The following PKHD1 variants were observed in gnomAD, a reference collection of about 807,000 sequenced individuals.
PKHD1 encodes PKHD1 ciliary IPT domain containing fibrocystin/polyductin, also known as fibrocystin.
Under a neutral mutation model 412.0 loss-of-function variants are expected in PKHD1, and 291 were observed. The ratio of observed to expected loss-of-function variants is 0.71; its 90% CI spans 0.64 to 0.78. The LOEUF is 0.78. Among genes scored for constraint, PKHD1 ranks in the 30% least tolerant of loss-of-function variants. The pLI is 0.00. For synonymous variants in PKHD1, 1,777 were observed against 1,821.5 expected (o/e 0.98, Z 0.62); for missense variants, 4,825 against 4,950.7 (o/e 0.97, Z 0.76).
At chr6:51,621,554 C>T (rs547583626) in intron 66 of PKHD1, among the ~76,000 whole-genome samples, 10 of 152,166 alleles carry the variant, frequency 6.6e-5, no homozygotes, top group African/African-American at 2.2e-4. Context: ...TCTTTAAGTC[C>T]GCATCTATTC....
intron 52 of PKHD1, among the ~76,000 whole-genome samples, chr6:51,807,485 A>ATATGTGTGTGTGTG (rs765667001): frequency 7.2e-5 from 8 of 111,768 alleles, no homozygotes; most frequent in Middle Eastern, 5.1e-3. Flanking sequence ...ATATATGTAT[A>ATATGTGTGTGTGTG]TGTGTGTGTG....
intron 52 of PKHD1, among the ~76,000 whole-genome samples, chr6:51,794,963 G>A (rs2151286892): frequency 6.6e-6 from 1 of 152,260 alleles, no homozygotes; most frequent in Admixed American, 6.5e-5. Flanking sequence ...GTCACATGAT[G>A]CCTCTAGCTT....
intron 35 of PKHD1, among the ~76,000 whole-genome samples, chr6:51,994,051 A>G (rs1393181445): frequency 6.6e-6 from 1 of 152,132 alleles, no homozygotes; most frequent in African/African-American, 2.4e-5. Context: ...AGGACTCTCC[A>G]AGCTTTTAAT....
chr6:52,014,880 A>G (rs1800330132), intron 34 of PKHD1, among the ~76,000 whole-genome samples: 1 of 152,172 alleles, frequency 6.6e-6, no homozygotes, highest in East Asian at 1.9e-4. Flanking sequence ...TCCCTTTGCC[A>G]AATGACATCA....
intron 60 of PKHD1, among the ~76,000 whole-genome samples, chr6:51,683,951 G>A (rs1274302500): frequency 2.0e-5 from 3 of 152,002 alleles, no homozygotes; most frequent in African/African-American, 7.2e-5. Context: ...AGCAACTTGA[G>A]TACAGATATC....
Position 51,912,551 on chromosome 6 carries a change from G to C in PKHD1, c.6147C>G (p.Thr2049=). The change falls in exon 38 of 67, where the codon ACC becomes ACG. Residue 2049 remains threonine, a synonymous_variant. Transcript: ENST00000371117. ...GGGCATGGGCAGTTGCTCTAAGACAGGTGACAATTACTTCTGGTAGTGAAC... is the reference window on the plus strand; with the variant it reads ...GGGCATGGGCAGTTGCTCTAAGACACGTGACAATTACTTCTGGTAGTGAAC... ...LHGSLPEVIV[T]CLRATAHALD... 1 of 1,612,748 alleles carries C rather than the reference G, an allele frequency of 6.2e-7. No individual in the cohort carries two copies. The highest frequency in any genetic ancestry group is 1.1e-5 in the South Asian group (1 of 91,054).
chr6:51,697,574 C>T (rs936066581), intron 60 of PKHD1, among the ~76,000 whole-genome samples: 2 of 152,212 alleles, frequency 1.3e-5, no homozygotes, highest in Admixed American at 6.5e-5. Context: ...ATCCACTAAA[C>T]GCCCATAAGT....
At chr6:51,860,107 A>T (rs1336881528) in intron 48 of PKHD1, among the ~76,000 whole-genome samples, 3 of 152,242 alleles carry the variant, frequency 2.0e-5, no homozygotes, top group Non-Finnish European at 1.5e-5. Context: ...GTGCAGCACC[A>T]GCTTTCTGTA....
At chr6:51,920,748 G>T (rs1028638857) in intron 37 of PKHD1, among the ~76,000 whole-genome samples, 1 of 152,150 alleles carries the variant, frequency 6.6e-6, no homozygotes, top group Non-Finnish European at 1.5e-5. Context: ...AATCCGTCTG[G>T]TCCTGGACTT....
intron 55 of PKHD1, among the ~76,000 whole-genome samples, chr6:51,765,496 C>T (rs545469302): frequency 6.6e-6 from 1 of 152,216 alleles, no homozygotes; most frequent in South Asian, 2.1e-4. Flanking sequence ...TGACCTTCTT[C>T]CTGTTTCCCC....
At position 52,025,202 on chromosome 6, in the gene PKHD1, A is replaced by G. The variant is rs1173960054; in HGVS notation, c.4608T>C (p.Val1536=). 2 of 1,614,080 alleles carry G rather than the reference A, an allele frequency of 1.2e-6. No individual in the cohort carries two copies. Among genetic ancestry groups the G allele is most frequent in the Non-Finnish European group, 1.7e-6 (2 of 1,180,038 alleles). The change falls in exon 32 of 67, where the codon GTT becomes GTC. Residue 1536 remains valine, a synonymous_variant. Transcript: ENST00000371117. ...CNVTFFNASH[V]VCQTRDLAPG... is the part of the protein sequence containing the mutation. The stretch of plus-strand genomic sequence containing the variant: ...GGGCCAAGTCTCTTGTCTGGCACAC[A>G]ACGTGGCTTGCATTAAAAAAAGTTA...
chr6:51,713,869 T>A (rs1780932475), intron 60 of PKHD1, among the ~76,000 whole-genome samples: 1 of 152,094 alleles, frequency 6.6e-6, no homozygotes, highest in African/African-American at 2.4e-5. Flanking sequence ...GTATCTTTGC[T>A]CAGAAAGCTG....
intron 52 of PKHD1, among the ~76,000 whole-genome samples, chr6:51,829,062 CTG>C (rs1767808200): frequency 6.6e-6 from 1 of 152,120 alleles, no homozygotes; most frequent in African/African-American, 2.4e-5. Context: ...TGAAAAATAA[CTG>C]TGTATGTTTT....
chr6:51,868,971 C>T (rs1207226470), intron 47 of PKHD1, among the ~76,000 whole-genome samples: 1 of 151,802 alleles, frequency 6.6e-6, no homozygotes, highest in Non-Finnish European at 1.5e-5. Flanking sequence ...TCCCAGTACA[C>T]ATACTACCAT....
chr6:51,975,841 C>A (rs955857524), intron 35 of PKHD1: 2 of 151,392 alleles, frequency 1.3e-5, no homozygotes, highest in African/African-American at 4.9e-5. Context: ...AGGGATGAAT[C>A]GACCCAGGTT....
chr6:51,956,030 A>G (rs1791075331), intron 36 of PKHD1, among the ~76,000 whole-genome samples: 1 of 152,034 alleles, frequency 6.6e-6, no homozygotes, highest in East Asian at 1.9e-4. Context: ...TCTTTCAAGT[A>G]CTTTCACACA....
At chr6:51,680,284 T>C (rs1299084163) in intron 60 of PKHD1, among the ~76,000 whole-genome samples, 2 of 152,014 alleles carry the variant, frequency 1.3e-5, no homozygotes, top group African/African-American at 2.4e-5. Flanking sequence ...GAGCTTCATG[T>C]AAACCATTAC....
chr6:51,897,360 A>C (rs758573161), intron 43 of PKHD1, among the ~76,000 whole-genome samples: 1 of 152,204 alleles, frequency 6.6e-6, no homozygotes, highest in Non-Finnish European at 1.5e-5. Flanking sequence ...GCCAATATTC[A>C]ACATTCTTAA....
At chr6:51,829,616 G>A (rs999817946) in intron 52 of PKHD1, among the ~76,000 whole-genome samples, 3 of 152,102 alleles carry the variant, frequency 2.0e-5, no homozygotes, top group Non-Finnish European at 4.4e-5. Flanking sequence ...GAAGTGGGAT[G>A]ATAATAATAA....
Sources: allele counts gnomAD v4.1 joint callset (sites outside exome capture counted in the v4.1 genomes callset), GRCh38; gene constraint gnomAD v4.1.1; transcripts MANE v1.5; gene names NCBI Gene and HGNC (gene_info 2026-07-23, HGNC 2026-07-21).